Variants in WIF1 observed in about 807,000 individuals in gnomAD.
WIF1 encodes the protein Wnt inhibitory factor 1.
A neutral mutation model predicts 53.5 loss-of-function variants in WIF1; 35 were observed. That is an observed-to-expected ratio of 0.65 (90% CI 0.50 to 0.87). WIF1 has a LOEUF of 0.87. Ranked by LOEUF, WIF1 falls within the 40% of genes least tolerant of loss-of-function variation. WIF1 has a pLI of 0.00. For synonymous variants in WIF1, 171 were observed against 170.4 expected (o/e 1.00, Z -0.03); for missense variants, 467 against 476.8 (o/e 0.98, Z 0.19).
At chr12:65,066,574 A>G in intron 6 of WIF1, 67 bp downstream of exon 6, 2 of 1,340,230 alleles carry the variant, frequency 1.5e-6, no homozygotes, top group Non-Finnish European at 1.0e-6. Context: ...AGGACATATA[A>G]AGTAACTTAT....
intron 2 of WIF1, among the ~76,000 whole-genome samples, chr12:65,120,170 AG>A (rs1220432705): frequency 6.6e-6 from 1 of 152,260 alleles, no homozygotes; most frequent in Non-Finnish European, 1.5e-5. Context: ...TATTTCCAGC[AG>A]CCTCAGGACA....
chr12:65,055,097 C>T, intron 9 of WIF1, 21 bp downstream of exon 9: 1 of 1,607,492 alleles, frequency 6.2e-7, no homozygotes, highest in Non-Finnish European at 8.5e-7. Context: ...TTGTTTACAA[C>T]TTTTTATTTC....
chr12:65,098,075 G>A (rs556991915), intron 2 of WIF1, among the ~76,000 whole-genome samples: 15 of 152,240 alleles, frequency 9.9e-5, no homozygotes, highest in Non-Finnish European at 1.6e-4. Flanking sequence ...TGTTGTGCTA[G>A]CATAATGTCT....
intron 2 of WIF1, among the ~76,000 whole-genome samples, chr12:65,115,468 T>A (rs1233400582): frequency 6.6e-6 from 1 of 152,182 alleles, no homozygotes; most frequent in East Asian, 1.9e-4. Flanking sequence ...CCATTGGGCT[T>A]AGAAAGGGTT....
chr12:65,101,830 A>G (rs1883286326), intron 2 of WIF1, among the ~76,000 whole-genome samples: 1 of 152,180 alleles, frequency 6.6e-6, no homozygotes, highest in South Asian at 2.1e-4. Context: ...TCAGTGTGAT[A>G]CTCTGAGTTC....
intron 6 of WIF1, among the ~76,000 whole-genome samples, chr12:65,064,328 T>C (rs915151476): frequency 1.3e-5 from 2 of 152,218 alleles, no homozygotes; most frequent in African/African-American, 4.8e-5. Context: ...ACATTTCTGT[T>C]GTGCAATGAT....
At chr12:65,089,703 C>A (rs1414875046) in intron 2 of WIF1, among the ~76,000 whole-genome samples, 1 of 152,138 alleles carries the variant, frequency 6.6e-6, no homozygotes, top group Non-Finnish European at 1.5e-5. Flanking sequence ...CCACTCCCTG[C>A]ACTTGCCCAC....
chr12:65,120,947 A>G (rs953956253), intron 1 of WIF1, 97 bp downstream of exon 1: 3 of 1,332,522 alleles, frequency 2.3e-6, no homozygotes, highest in Non-Finnish European at 2.9e-6. Flanking sequence ...TGTGGAAATT[A>G]AGTTTTAAAA....
At chr12:65,053,743 T>A (rs1882479368) in intron 9 of WIF1, among the ~76,000 whole-genome samples, 1 of 152,068 alleles carries the variant, frequency 6.6e-6, no homozygotes, top group Non-Finnish European at 1.5e-5. Context: ...TATAACTACA[T>A]ATACACTTAT....
intron 1 of WIF1, chr12:65,120,786 C>A: frequency 1.3e-6 from 1 of 762,870 alleles, no homozygotes; most frequent in South Asian, 2.7e-5. Context: ...AGTTAACCGA[C>A]GCAAAAAAAT....
intron 2 of WIF1, among the ~76,000 whole-genome samples, chr12:65,084,835 G>C (rs1883010996): frequency 6.6e-6 from 1 of 152,272 alleles, no homozygotes; most frequent in East Asian, 1.9e-4. Flanking sequence ...CAATTGCTAA[G>C]TTACTTTTAT....
At chr12:65,074,663 C>T (rs1380254169) in intron 3 of WIF1, among the ~76,000 whole-genome samples, 1 of 151,208 alleles carries the variant, frequency 6.6e-6, no homozygotes, top group Non-Finnish European at 1.5e-5. Context: ...ACTAAAAATA[C>T]AAAAATCAGC....
intron 2 of WIF1, among the ~76,000 whole-genome samples, chr12:65,117,253 T>C (rs1883526311): frequency 6.6e-6 from 1 of 152,186 alleles, no homozygotes; most frequent in Admixed American, 6.5e-5. Flanking sequence ...AAAAAGTCTA[T>C]ACCCTGCCTT....
chr12:65,070,095 G>C (rs1247064561), intron 3 of WIF1, among the ~76,000 whole-genome samples: 1 of 152,126 alleles, frequency 6.6e-6, no homozygotes, highest in Non-Finnish European at 1.5e-5. Flanking sequence ...GAATAAATGA[G>C]CTGGAAACTG....
At chr12:65,056,234 T>C in intron 7 of WIF1, 108 bp from the exon 8 acceptor site, 3 of 994,270 alleles carry the variant, frequency 3.0e-6, no homozygotes, top group Non-Finnish European at 4.4e-6. Flanking sequence ...TGCTTTTAAA[T>C]GGCAATTTTC....
At chr12:65,112,129 A>C (rs1416276927) in intron 2 of WIF1, among the ~76,000 whole-genome samples, 1 of 152,206 alleles carries the variant, frequency 6.6e-6, no homozygotes, top group Non-Finnish European at 1.5e-5. Context: ...ATTTTAAATA[A>C]ATCCATTTCC....
chr12:65,056,468 G>A (rs10613659), intron 7 of WIF1, among the ~76,000 whole-genome samples: 2 of 121,516 alleles, frequency 1.6e-5, no homozygotes, highest in Non-Finnish European at 3.3e-5. Context: ...CAAGTGATCC[G>A]CCCGCCTTGG....
chr12:65,074,897 T>C (rs1041152984), intron 3 of WIF1, among the ~76,000 whole-genome samples: 15 of 151,212 alleles, frequency 9.9e-5, no homozygotes, highest in African/African-American at 3.4e-4. Context: ...GGGCATGAGA[T>C]TGAGTGATGA....
At chr12:65,115,784 G>A (rs1883499745) in intron 2 of WIF1, among the ~76,000 whole-genome samples, 1 of 152,166 alleles carries the variant, frequency 6.6e-6, no homozygotes, top group South Asian at 2.1e-4. Flanking sequence ...GAATTGCAGG[G>A]AGAGGGAGAA....
Sources: allele counts gnomAD v4.1 joint callset (sites outside exome capture counted in the v4.1 genomes callset), GRCh38; gene constraint gnomAD v4.1.1; transcripts MANE v1.5; gene names NCBI Gene and HGNC (gene_info 2026-07-23, HGNC 2026-07-21).